The following TTN variants were observed in gnomAD, a reference collection of about 807,000 sequenced individuals.
TTN encodes connectin.
TTN carries 1,525 observed loss-of-function variants against 3,223.0 expected under a neutral mutation model. The observed-to-expected ratio is 0.47, with a 90% CI of 0.45 to 0.49. The LOEUF (loss-of-function observed/expected upper bound fraction) is 0.49. Ranked by LOEUF, TTN falls within the 20% of genes least tolerant of loss-of-function variation. The probability of loss-of-function intolerance (pLI) is 0.00; values close to 1 mark genes in which losing one functional copy is unlikely to be tolerated. For synonymous variants in TTN, 14,094 were observed against 15,161.0 expected (o/e 0.93, Z 5.17); for missense variants, 40,786 against 43,424.0 (o/e 0.94, Z 5.40).
chr2:178,722,205 C>A, intron 77 of TTN, 54 bp downstream of exon 77: 1 of 1,529,292 alleles, frequency 6.5e-7, no homozygotes, highest in South Asian at 1.3e-5. Context: ...TCTACTTTGA[C>A]AATGAAATAT....
rs1000415470 is a variant in TTN at position 178,674,468 on chromosome 2, C to G, written c.34613-59G>C. The G allele has an allele frequency of 3.8e-6, 4 of 1,040,680 alleles. No individual in the cohort carries two copies. The African/African-American group carries it at 4.9e-5, about 13-fold the overall frequency. The allele number at this position is 1,040,680 out of a possible 1,614,324, so 64.5% of individuals were successfully genotyped here. A position where few individuals can be genotyped will look rare whatever the true frequency, so the allele number is the denominator to read the frequency against. On this transcript the variant is annotated intron_variant, in intron 150 of 362. Coordinates refer to ENST00000589042, the MANE Select transcript of TTN (RefSeq NM_001267550.2). ...TATAATTATTTTGAATATTAGACTA[C>G]AGTGATAATATCTGAAAACTGCTCA...
Position 178,620,953 on chromosome 2 carries a change from C to T in TTN, c.45657G>A (p.Val15219=), listed in dbSNP as rs1475354606. The T allele has an allele frequency of 2.5e-6, 4 of 1,612,348 alleles. No individual in the cohort carries two copies. In the Middle Eastern group the frequency reaches 5.0e-4, roughly 200 times the overall value. The part of the protein sequence containing the change: ...RIVVPLKDTR[V]KEQQEVVFNC... ...TGAAGACAACTTCCTGTTGTTCCTT[C>T]ACCCGGGTGTCCTTAAGAGGAACTA... The change falls in exon 247 of 363, where the codon GTG becomes GTA. Residue 15219 remains valine (V), a synonymous_variant. Coordinates refer to ENST00000589042, the MANE Select transcript of TTN (RefSeq NM_001267550.2).
In TTN at chr2:178,581,918, G is replaced by A. The variant is rs748238939; in HGVS notation, c.66451C>T (p.Arg22151Trp). ...CATGAACACTTACACTGAGGGTCCC[G>A]AGCATAAGCGGCCTTGGATGCGTCA... ...PSDASKAAYA[R>W]DPQYPPGPPA... The change falls in exon 315 of 363, where the codon CGG becomes TGG. Residue 22151 changes from arginine (R) to tryptophan (W), a missense_variant. Transcript: ENST00000589042. The A allele has an allele frequency of 9.3e-6, 15 of 1,613,090 alleles. No individual in the cohort carries two copies. In the South Asian group the frequency reaches 9.9e-5, roughly 11 times the overall value.
chr2:178,601,673 T>C lies in TTN; in HGVS notation c.55417A>G (p.Arg18473Gly), dbSNP rs72646822. The C allele has an allele frequency of 8.6e-5, 138 of 1,599,480 alleles. 1 individual carries two copies. The African/African-American group carries it at 1.7e-3, about 20-fold the overall frequency. The change falls in exon 286 of 363, where the codon AGA (arginine) becomes GGA (glycine). Residue 18473 changes from arginine (R) to glycine (G), a missense_variant. Physicochemically the swap from Arg to Gly is moderately radical, Grantham distance 125 (BLOSUM62 -2). Coordinates refer to ENST00000589042, the MANE Select transcript of TTN (RefSeq NM_001267550.2). ...TCTTTCTTACCCATGACTTTAACTCTGCAATTTGCAGTCTTTTGTCCTGCT... is the reference window on the plus strand; with the variant it reads ...TCTTTCTTACCCATGACTTTAACTCCGCAATTTGCAGTCTTTTGTCCTGCT... The part of the protein sequence containing the change: ...NKAGQKTANC[R>G]VKVMDVPGPP...
Position 178,575,889 on chromosome 2 carries a change from T to G in TTN, c.70243A>C (p.Met23415Leu), listed in dbSNP as rs200029470. 17 of 1,613,608 alleles carry G rather than the reference T, an allele frequency of 1.1e-5. No homozygotes were observed. Among genetic ancestry groups the G allele is most frequent in the Non-Finnish European group, 1.4e-5 (17 of 1,179,612 alleles). ...TTCCCAGCCGGGTTTTCAATGGTCA[T>G]GACAAATTTACCGGTATCATATCTG... is the stretch of plus-strand genomic sequence containing the variant. ...CNRYDTGKFV[M>L]TIENPAGKKS... Residue 23415 changes from methionine (M) to leucine (L), a missense_variant, in exon 326 of 363, where the codon ATG (methionine) becomes CTG (leucine). Met to Leu is a conservative substitution (Grantham distance 15). Transcript: ENST00000589042. This position sits in a 1 kb window ranked among gnomAD's most constrained non-coding sequence, Gnocchi z 4.0.
chr2:178,682,424 C>A (rs1560343921), intron 135 of TTN, among the ~76,000 whole-genome samples: 1 of 151,932 alleles, frequency 6.6e-6, no homozygotes, highest in Non-Finnish European at 1.5e-5. Context: ...AACTTAGGGA[C>A]ATTTGCTATT....
At position 178,630,957 on chromosome 2, in the gene TTN, G is replaced by A. The variant is rs751088504; in HGVS notation, c.44015-14C>T. ...TAATTTCCCGATCTAGAAAAGTGAA[G>A]GGCCAGCATGGGTCATTAGCCTCTG... On this transcript the variant is annotated splice_polypyrimidine_tract_variant and intron_variant, in intron 237 of 362. Coordinates refer to ENST00000589042, the MANE Select transcript of TTN (RefSeq NM_001267550.2). 3 of 1,611,002 alleles carry A rather than the reference G, an allele frequency of 1.9e-6. No individual in the cohort carries two copies. The highest frequency in any genetic ancestry group is 1.7e-5 in the Admixed American group (1 of 59,400).
Position 178,584,837 on chromosome 2 carries a change from C to T in TTN, c.64804G>A (p.Val21602Ile). Reference sequence around the variant, plus strand: ...GCCGTGACCCAGTCACCTCGGCTTACATCACACTTCTCCACTATATAATTG... The same window carrying T: ...GCCGTGACCCAGTCACCTCGGCTTATATCACACTTCTCCACTATATAATTG... The part of the protein sequence containing the change: ...ITNYIVEKCD[V>I]SRGDWVTALA... The change falls in exon 310 of 363, where the codon GTA becomes ATA. Residue 21602 changes from valine to isoleucine, a missense_variant. Transcript: ENST00000589042. 1 of 1,613,386 alleles carries T rather than the reference C, an allele frequency of 6.2e-7. No homozygotes were observed. The highest frequency in any genetic ancestry group is 8.5e-7 in the Non-Finnish European group (1 of 1,179,524).
chr2:178,552,242 T>G lies in TTN; in HGVS notation c.90658A>C (p.Ile30220Leu), dbSNP rs1181130308. 3 of 1,613,502 alleles carry G rather than the reference T, an allele frequency of 1.9e-6. No homozygotes were observed. The highest frequency in any genetic ancestry group is 2.5e-6 in the Non-Finnish European group (3 of 1,179,656). Reference sequence around the variant, plus strand: ...GGCTTTGATGGTGGGCCAAGGGTGATGACTGTAATGGGGACTGCAATTCTA... The same window carrying G: ...GGCTTTGATGGTGGGCCAAGGGTGAGGACTGTAATGGGGACTGCAATTCTA... The part of the protein sequence containing the change: ...VCRIAVPITV[I>L]TLGPPSKPKG... The change falls in exon 335 of 363, where the codon ATC (isoleucine) becomes CTC (leucine). Residue 30220 changes from isoleucine to leucine, a missense_variant. Coordinates refer to ENST00000589042, the MANE Select transcript of TTN (RefSeq NM_001267550.2).
intron 15 of TTN, among the ~76,000 whole-genome samples, chr2:178,785,109 C>T (rs2093072729): frequency 1.3e-5 from 2 of 152,192 alleles, no homozygotes. Context: ...AGATAGGGCA[C>T]TAATCCAGAG....
intron 92 of TTN, 110 bp from the exon 93 acceptor site, chr2:178,713,482 C>A (rs747846302): frequency 1.1e-4 from 155 of 1,415,778 alleles, no homozygotes; most frequent in Non-Finnish European, 1.3e-4. Context: ...ATCCCTAGAT[C>A]CATTTGGCTC....
In TTN at chr2:178,602,595, T is replaced by C. The variant is rs375343798; in HGVS notation, c.54812-5A>G. Reference sequence around the variant, plus strand: ...AAGAAGGTGGCCCCGGTGGAACTAATAACAAAAGAAAAAAAAAAGCTTCAT... The same window carrying C: ...AAGAAGGTGGCCCCGGTGGAACTAACAACAAAAGAAAAAAAAAAGCTTCAT... On this transcript the variant is annotated splice_polypyrimidine_tract_variant and splice_region_variant and intron_variant, in intron 282 of 362. Transcript: ENST00000589042. 199 of 1,473,106 alleles carry C rather than the reference T, an allele frequency of 1.4e-4. 1 individual carries two copies. The African/African-American group carries it at 2.6e-3, about 20-fold the overall frequency. 91.3% of individuals were successfully genotyped at this position (1,473,106 alleles called of 1,614,324 possible). A position where few individuals can be genotyped will look rare whatever the true frequency, so the allele number is the denominator to read the frequency against.
rs761514878 is a variant in TTN, at chr2:178,741,424, G to A, written c.11809C>T (p.Pro3937Ser). The change falls in exon 48 of 363, where the codon CCT becomes TCT. Residue 3937 changes from proline (P) to serine (S), a missense_variant. Transcript: ENST00000589042. ...TTTAACTCCTTAAGGAAGTGAGGAG[G>A]ACAAGGACCTCCCAGCTTTTCCAGA... ...KSLEKLGGPC[P>S]PHFLKELKPI... The A allele has an allele frequency of 1.9e-6, 3 of 1,613,878 alleles. No homozygotes were observed. Among genetic ancestry groups the A allele is most frequent in the Middle Eastern group, 1.7e-4 (1 of 6,060 alleles).
rs751294966 is a variant in TTN, at chr2:178,722,076, T to G, written c.22587A>C (p.Gly7529=). 1.2e-6 allele frequency: 2 copies of G among 1,610,810 alleles called. No individual in the cohort carries two copies. Among genetic ancestry groups the G allele is most frequent in the Non-Finnish European group, 1.7e-6 (2 of 1,178,210 alleles). ...CATGACACTCAAAATCAGCACTTTC[T>G]CCAGCAATAACATCTATAGATACAG... is the stretch of plus-strand genomic sequence containing the variant. ...IKPVSIDVIA[G]ESADFECHVT... Residue 7529 remains glycine, a synonymous_variant, in exon 78 of 363, where the codon GGA becomes GGC. Coordinates refer to ENST00000589042, the MANE Select transcript of TTN (RefSeq NM_001267550.2).
Position 178,635,994 on chromosome 2 carries a change from G to C in TTN, c.41577C>G (p.Asn13859Lys). The C allele has an allele frequency of 6.2e-7, 1 of 1,609,420 alleles. No individual in the cohort carries two copies. Among genetic ancestry groups the C allele is most frequent in the Non-Finnish European group, 8.5e-7 (1 of 1,176,874 alleles). The change falls in exon 226 of 363, where the codon AAC (asparagine) becomes AAG (lysine). Residue 13859 changes from asparagine (N) to lysine (K), a missense_variant. Physicochemically the swap from Asn to Lys is moderately conservative, Grantham distance 94 (BLOSUM62 0). Coordinates refer to ENST00000589042, the MANE Select transcript of TTN (RefSeq NM_001267550.2). Reference protein sequence around the residue: ...TYTVTVENANNLECSSCVKVV... With the variant: ...TYTVTVENANKLECSSCVKVV... ...CTTTTACGCAAGATGAACACTCCAG[G>C]TTGTTGGCGTTTTCCACAGTAACTG...
chr2:178,557,532 G>C lies in TTN; in HGVS notation c.87730C>G (p.Pro29244Ala), dbSNP rs779810701. The part of the protein sequence containing the change: ...PYTTPGPPST[P>A]WVTNVTRESI... The stretch of plus-strand genomic sequence containing the variant: ...TCTCGAGTAACATTAGTGACCCATG[G>C]TGTAGATGGTGGTCCAGGTGTTGCT... The change falls in exon 329 of 363, where the codon CCA (proline) becomes GCA (alanine). Residue 29244 changes from proline (P) to alanine (A), a missense_variant. Transcript: ENST00000589042. The C allele has an allele frequency of 1.2e-6, 2 of 1,613,904 alleles. No homozygotes were observed. Among genetic ancestry groups the C allele is most frequent in the African/African-American group, 2.7e-5 (2 of 75,060 alleles).
At position 178,672,493 on chromosome 2, in the gene TTN, C is replaced by T; in HGVS notation, c.34856-12G>A. ...TGGTACTTCAGGCACTTTAAAGATA[C>T]AGTTTTAATATTTAGGACTGTCGAG... On this transcript the variant is annotated splice_polypyrimidine_tract_variant and intron_variant, in intron 153 of 362. Transcript: ENST00000589042. The T allele has an allele frequency of 6.2e-7, 1 of 1,601,678 alleles. No homozygotes were observed. The highest frequency in any genetic ancestry group is 8.5e-7 in the Non-Finnish European group (1 of 1,175,618).
intron 149 of TTN, 31 bp from the exon 150 acceptor site, chr2:178,675,144 A>G (rs1280241869): frequency 7.0e-7 from 1 of 1,433,118 alleles, no homozygotes; most frequent in Admixed American, 2.3e-5. Flanking sequence ...TTAGACACTT[A>G]AAATGCAAGA....
intron 351 of TTN, 24 bp from the exon 352 acceptor site, chr2:178,539,990 A>G (rs1453283254): frequency 1.9e-6 from 3 of 1,608,398 alleles, no homozygotes; most frequent in Non-Finnish European, 2.6e-6. Flanking sequence ...TAGGGTTTCA[A>G]TTTAGCATTT....
Sources: allele counts gnomAD v4.1 joint callset (sites outside exome capture counted in the v4.1 genomes callset), GRCh38; gene constraint gnomAD v4.1.1; non-coding constraint Gnocchi (gnomAD v3.1); transcripts MANE v1.5; gene names NCBI Gene and HGNC (gene_info 2026-07-23, HGNC 2026-07-21).